KCNIP4: variants seen among roughly 807,000 people sequenced by gnomAD.
The protein encoded by KCNIP4 is Kv channel-interacting protein 4.
In KCNIP4, 12 loss-of-function variants were observed where a neutral mutation model predicts 34.0. The observed-to-expected ratio is 0.35, with a 90% CI of 0.23 to 0.57. The LOEUF is 0.57. Among genes scored for constraint, KCNIP4 ranks in the 20% least tolerant of loss-of-function variants. The pLI is 0.83. For synonymous variants in KCNIP4, 124 were observed against 102.2 expected (o/e 1.21, Z -1.29); for missense variants, 238 against 311.7 (o/e 0.76, Z 1.78).
intron 1 of KCNIP4, among the ~76,000 whole-genome samples, chr4:21,643,882 A>G (rs1746812813): frequency 7.4e-6 from 1 of 135,622 alleles, no homozygotes; most frequent in African/African-American, 3.0e-5. Flanking sequence ...ATAGATAGAT[A>G]GATAGATAGA....
chr4:20,986,750 T>G (rs141919303), intron 1 of KCNIP4, among the ~76,000 whole-genome samples: 1 of 152,176 alleles, frequency 6.6e-6, no homozygotes, highest in Non-Finnish European at 1.5e-5. Context: ...TTGCCACATC[T>G]CATTTTCCAG....
chr4:20,802,552 C>G (rs989399250), intron 3 of KCNIP4, among the ~76,000 whole-genome samples: 1 of 152,054 alleles, frequency 6.6e-6, no homozygotes, highest in Non-Finnish European at 1.5e-5. Context: ...GCAGAATACA[C>G]AACTTTTTTC....
At chr4:21,345,452 A>G (rs1717195159) in intron 1 of KCNIP4, among the ~76,000 whole-genome samples, 3 of 152,294 alleles carry the variant, frequency 2.0e-5, no homozygotes, top group South Asian at 4.1e-4. Flanking sequence ...GTGATTTGTT[A>G]CATAGTAATG....
rs866650635 is a variant in KCNIP4 at position 20,739,482 on chromosome 4, A to G, written c.430-4747T>C. ...TGGAGTGGACCTCCAGCAAACTCCA[A>G]CAGACCTGCAGCTGAGGGTCCTGAC... is the stretch of plus-strand genomic sequence containing the variant. On this transcript the variant is annotated intron_variant, in intron 5 of 8. Transcript: ENST00000382152. 1.2e-4 allele frequency among the ~76,000 whole-genome samples: 18 copies of G among 152,316 alleles called. No individual in the cohort carries two copies. The South Asian group carries it at 3.3e-3, about 28-fold the overall frequency.
At chr4:21,829,464 T>C (rs1323353438) in intron 1 of KCNIP4, among the ~76,000 whole-genome samples, 1 of 151,870 alleles carries the variant, frequency 6.6e-6, no homozygotes. Context: ...AGAATACAAA[T>C]TGAGTGTAGA....
chr4:21,252,829 C>G (rs977943731), intron 1 of KCNIP4, among the ~76,000 whole-genome samples: 8 of 150,284 alleles, frequency 5.3e-5, no homozygotes, highest in African/African-American at 2.0e-4. Context: ...GTAATGGGGA[C>G]CAACAGCAAG....
intron 1 of KCNIP4, among the ~76,000 whole-genome samples, chr4:21,427,404 G>A (rs185209270): frequency 1.3e-5 from 2 of 151,752 alleles, no homozygotes; most frequent in East Asian, 3.9e-4. Context: ...TAGCAGCATT[G>A]TGACTAATTA....
At chr4:21,103,667 C>T (rs1235534429) in intron 1 of KCNIP4, among the ~76,000 whole-genome samples, 3 of 151,188 alleles carry the variant, frequency 2.0e-5, no homozygotes, top group Non-Finnish European at 4.4e-5. Flanking sequence ...ATGTGCCATG[C>T]TAGTGTGCTG....
intron 1 of KCNIP4, among the ~76,000 whole-genome samples, chr4:21,602,919 A>G (rs1743311982): frequency 1.3e-5 from 2 of 152,176 alleles, no homozygotes; most frequent in Admixed American, 1.3e-4. Context: ...TTTATGAAAC[A>G]CTAATGAATA....
At chr4:21,868,767 A>G (rs1169308273) in intron 1 of KCNIP4, among the ~76,000 whole-genome samples, 1 of 152,228 alleles carries the variant, frequency 6.6e-6, no homozygotes, top group Admixed American at 6.5e-5. Context: ...TTTAGAAAAC[A>G]TTTACAAAGG....
intron 1 of KCNIP4, among the ~76,000 whole-genome samples, chr4:20,919,297 G>T (rs1281545863): frequency 2.6e-5 from 4 of 151,974 alleles, no homozygotes; most frequent in Non-Finnish European, 5.9e-5. Flanking sequence ...AGCACTGAAA[G>T]GTATTCCACG....
intron 1 of KCNIP4, among the ~76,000 whole-genome samples, chr4:21,281,458 GA>G (rs1322891092): frequency 1.3e-5 from 2 of 152,120 alleles, no homozygotes; most frequent in Non-Finnish European, 2.9e-5. Flanking sequence ...GACATACATG[GA>G]CTGAAATAAA....
chr4:21,560,602 A>T (rs1445165266), intron 1 of KCNIP4, among the ~76,000 whole-genome samples: 3 of 152,016 alleles, frequency 2.0e-5, no homozygotes, highest in African/African-American at 7.2e-5. Flanking sequence ...TACCTGGAAA[A>T]CTCAGCATAT....
intron 1 of KCNIP4, among the ~76,000 whole-genome samples, chr4:21,071,100 G>A (rs1744873058): frequency 6.6e-6 from 1 of 152,074 alleles, no homozygotes. Context: ...AAGAGCAAAG[G>A]TTGTTTAATT....
chr4:21,725,655 C>G (rs190069569), intron 1 of KCNIP4, among the ~76,000 whole-genome samples: 2 of 152,234 alleles, frequency 1.3e-5, no homozygotes, highest in East Asian at 3.9e-4. Context: ...CTTACCTTCT[C>G]TGTAACTGAA....
At chr4:21,100,771 A>G (rs1747864590) in intron 1 of KCNIP4, among the ~76,000 whole-genome samples, 1 of 152,180 alleles carries the variant, frequency 6.6e-6, no homozygotes, top group Admixed American at 6.5e-5. Flanking sequence ...ACTATTGCAT[A>G]TTTAATAGGC....
chr4:21,251,622 C>A (rs1760705278), intron 1 of KCNIP4, among the ~76,000 whole-genome samples: 3 of 151,996 alleles, frequency 2.0e-5, no homozygotes, highest in Non-Finnish European at 2.9e-5. Flanking sequence ...CATAAAGCAA[C>A]CTTGAGTAGG....
intron 1 of KCNIP4, among the ~76,000 whole-genome samples, chr4:21,643,661 G>A (rs1157533465): frequency 6.6e-6 from 1 of 152,126 alleles, no homozygotes; most frequent in Non-Finnish European, 1.5e-5. Flanking sequence ...TGATTCAACA[G>A]TTGAAGACCT....
chr4:21,047,037 A>G (rs2149786793), intron 1 of KCNIP4, among the ~76,000 whole-genome samples: 1 of 152,376 alleles, frequency 6.6e-6, no homozygotes, highest in East Asian at 1.9e-4. Flanking sequence ...CTGAGAAAGT[A>G]TCTCCATGGG....
Sources: gnomAD v4.1 joint callset for allele counts (sites outside exome capture counted in the v4.1 genomes callset) on GRCh38, gnomAD v4.1.1 for gene constraint, MANE v1.5 for transcripts, NCBI Gene and HGNC (gene_info 2026-07-23, HGNC 2026-07-21) for gene names.